The following DDX10 variants were observed in gnomAD, a reference collection of about 807,000 sequenced individuals.
DDX10 encodes the protein DEAD-box helicase 10, also known as probable ATP-dependent RNA helicase DDX10.
A neutral mutation model predicts 104.3 loss-of-function variants in DDX10; 74 were observed. That is an observed-to-expected ratio of 0.71 (90% CI 0.59 to 0.86). The LOEUF is 0.86. DDX10 is among the 40% of genes least tolerant of loss of function. The pLI, the probability that DDX10 is intolerant of heterozygous loss-of-function variation, is 0.00. For missense variants in DDX10, 952 were observed against 1,040.0 expected, an observed-to-expected ratio of 0.92 and a Z score of 1.16; for synonymous variants, 351 against 353.4, an observed-to-expected ratio of 0.99 and a Z score of 0.08.
chr11:108,725,016 C>A (rs1005739790), intron 13 of DDX10, among the ~76,000 whole-genome samples: 1 of 152,058 alleles, frequency 6.6e-6, no homozygotes, highest in Non-Finnish European at 1.5e-5. Context: ...CTTCACTCAA[C>A]CTCTGGCAAC....
At chr11:108,872,564 C>G (rs1254044325) in intron 16 of DDX10, among the ~76,000 whole-genome samples, 1 of 152,070 alleles carries the variant, frequency 6.6e-6, no homozygotes, top group East Asian at 1.9e-4. Context: ...CTTTGGTTTG[C>G]AAAACAAACT....
At chr11:108,787,350 C>T (rs1022287014) in intron 13 of DDX10, among the ~76,000 whole-genome samples, 1 of 151,884 alleles carries the variant, frequency 6.6e-6, no homozygotes, top group Admixed American at 6.6e-5. Flanking sequence ...TAGTATCTCG[C>T]GTGGGTTCTC....
chr11:108,817,212 A>G (rs1196948995), intron 13 of DDX10, among the ~76,000 whole-genome samples: 1 of 152,152 alleles, frequency 6.6e-6, no homozygotes, highest in East Asian at 1.9e-4. Flanking sequence ...ATTCAGGGTA[A>G]AATCTACCTC....
At chr11:108,894,326 A>G (rs1449147715) in intron 16 of DDX10, among the ~76,000 whole-genome samples, 1 of 152,060 alleles carries the variant, frequency 6.6e-6, no homozygotes, top group Non-Finnish European at 1.5e-5. Flanking sequence ...GATGTAGGAA[A>G]TTGATAGTTA....
chr11:108,704,492 C>T (rs969346686), intron 9 of DDX10, among the ~76,000 whole-genome samples: 1 of 152,168 alleles, frequency 6.6e-6, no homozygotes, highest in Non-Finnish European at 1.5e-5. Flanking sequence ...TGATTCCTGT[C>T]CTCTTTGGAC....
chr11:108,865,567 G>GT (rs1010968206), intron 16 of DDX10, among the ~76,000 whole-genome samples: 52 of 151,902 alleles, frequency 3.4e-4, no homozygotes, highest in African/African-American at 9.7e-4. Context: ...GTCTTATCAG[G>GT]TTTTTTTTAC....
chr11:108,878,634 T>C (rs1863184697), intron 16 of DDX10, among the ~76,000 whole-genome samples: 1 of 152,206 alleles, frequency 6.6e-6, no homozygotes, highest in Non-Finnish European at 1.5e-5. Context: ...GGTTCTTTCT[T>C]TTTTTGACAT....
rs2094231545 is a variant in DDX10, at chr11:108,679,476, C to T, written c.764C>T (p.Thr255Ile). Residue 255 changes from threonine (T) to isoleucine (I), a missense_variant, in exon 6 of 18, where the codon ACA becomes ATA. Physicochemically the swap from Thr to Ile is moderately conservative, Grantham distance 89 (BLOSUM62 -1). Coordinates refer to ENST00000322536, the MANE Select transcript of DDX10 (RefSeq NM_004398.4). ...KKRQTLLFSA[T>I]QTKSVKDLAR... ...CGTCAGACTTTACTTTTCTCAGCAA[C>T]ACAAACTAAATCTGTAAAGGACCTT... 17 of 1,613,924 alleles carry T rather than the reference C, an allele frequency of 1.1e-5. No individual in the cohort carries two copies. Among genetic ancestry groups the T allele is most frequent in the Non-Finnish European group, 1.4e-5 (17 of 1,179,976 alleles).
At chr11:108,728,469 G>C (rs1043531276) in intron 13 of DDX10, among the ~76,000 whole-genome samples, 11 of 134,318 alleles carry the variant, frequency 8.2e-5, no homozygotes, top group African/African-American at 1.3e-4. Context: ...GATAACAACT[G>C]TCTTTGTTTT....
At chr11:108,864,874 CTT>C (rs1253923510) in intron 16 of DDX10, among the ~76,000 whole-genome samples, 1 of 152,182 alleles carries the variant, frequency 6.6e-6, no homozygotes, top group African/African-American at 2.4e-5. Flanking sequence ...AGCCCAGTCT[CTT>C]AAATTAGTTA....
intron 3 of DDX10, 74 bp downstream of exon 3, chr11:108,675,800 A>T: frequency 6.5e-7 from 1 of 1,536,358 alleles, no homozygotes; most frequent in Non-Finnish European, 8.9e-7. Context: ...TGCAGATTAT[A>T]TAAAGAGATG....
At chr11:108,821,109 G>A (rs1039478350) in intron 13 of DDX10, among the ~76,000 whole-genome samples, 4 of 152,192 alleles carry the variant, frequency 2.6e-5, no homozygotes, top group African/African-American at 2.4e-5. Context: ...GAGTGTTTCA[G>A]AGGGATGAAG....
intron 16 of DDX10, among the ~76,000 whole-genome samples, chr11:108,907,003 A>T (rs1591120049): frequency 6.6e-6 from 1 of 152,188 alleles, no homozygotes; most frequent in African/African-American, 2.4e-5. Context: ...TGCAGTAAAC[A>T]GTTGTTAAAT....
At chr11:108,847,545 T>G (rs1862735933) in intron 15 of DDX10, among the ~76,000 whole-genome samples, 1 of 152,228 alleles carries the variant, frequency 6.6e-6, no homozygotes, top group Non-Finnish European at 1.5e-5. Flanking sequence ...TAGGTTCCAT[T>G]TACTACCAGC....
chr11:108,940,361 A>G lies in DDX10; in HGVS notation c.2566A>G (p.Thr856Ala), dbSNP rs1176357133. 1.2e-6 allele frequency: 2 copies of G among 1,613,944 alleles called. No homozygotes were observed. Among genetic ancestry groups the G allele is most frequent in the Non-Finnish European group, 1.7e-6 (2 of 1,180,022 alleles). The change falls in exon 18 of 18, where the codon ACC becomes GCC. Residue 856 changes from threonine (T) to alanine (A), a missense_variant. By Grantham distance (58) the Thr-to-Ala change is moderately conservative. Transcript: ENST00000322536. Reference sequence around the variant, plus strand: ...GTGGGACACTTTAGAGCCTTTGGATACCGGCCTGTCTTTAGCAGAGGATGA... The same window carrying G: ...GTGGGACACTTTAGAGCCTTTGGATGCCGGCCTGTCTTTAGCAGAGGATGA... ...ARWDTLEPLD[T>A]GLSLAEDEEL...
intron 13 of DDX10, among the ~76,000 whole-genome samples, chr11:108,780,440 G>A (rs1462305212): frequency 6.6e-6 from 1 of 152,020 alleles, no homozygotes; most frequent in Non-Finnish European, 1.5e-5. Flanking sequence ...TCTTCTCTGT[G>A]CTTCCCTATA....
At chr11:108,940,168 C>A (rs560239195) in intron 17 of DDX10, 78 bp from the exon 18 acceptor site, 1 of 1,422,412 alleles carries the variant, frequency 7.0e-7, no homozygotes, top group South Asian at 1.4e-5. Context: ...TTTACCAACT[C>A]TCTGTTAATT....
chr11:108,858,568 C>G (rs998678408), intron 16 of DDX10, among the ~76,000 whole-genome samples: 1 of 152,202 alleles, frequency 6.6e-6, no homozygotes, highest in African/African-American at 2.4e-5. Flanking sequence ...TTCCTACTTC[C>G]CTTCTACCCC....
intron 13 of DDX10, among the ~76,000 whole-genome samples, chr11:108,782,326 A>G (rs1408830284): frequency 6.6e-6 from 1 of 152,190 alleles, no homozygotes; most frequent in Non-Finnish European, 1.5e-5. Context: ...CTATCAATTC[A>G]TTTAGCTATC....
Sources: gnomAD v4.1 joint callset for allele counts (sites outside exome capture counted in the v4.1 genomes callset) on GRCh38, gnomAD v4.1.1 for gene constraint, MANE v1.5 for transcripts, NCBI Gene and HGNC (gene_info 2026-07-23, HGNC 2026-07-21) for gene names.